MYO1E: variants seen among roughly 807,000 people sequenced by gnomAD.
MYO1E encodes myosin IE.
In MYO1E, 68 loss-of-function variants were observed where a neutral mutation model predicts 151.1. The observed-to-expected ratio is 0.45, with a 90% CI of 0.37 to 0.55. MYO1E has a LOEUF of 0.55. Ranked by LOEUF, MYO1E falls within the 20% of genes least tolerant of loss-of-function variation. The pLI is 0.00. For missense variants in MYO1E, 1,363 were observed against 1,389.3 expected (o/e 0.98, Z 0.30); for synonymous variants, 601 against 501.7 (o/e 1.20, Z -2.64).
At chr15:59,290,615 G>C (rs1282179588) in intron 1 of MYO1E, among the ~76,000 whole-genome samples, 4 of 152,214 alleles carry the variant, frequency 2.6e-5, no homozygotes, top group African/African-American at 9.6e-5. Flanking sequence ...GTAATAGACT[G>C]TGACTTTCTT....
rs1420325351 is a variant in MYO1E at position 59,350,224 on chromosome 15, T to C, written c.3+22274A>G. On this transcript the variant is annotated intron_variant, in intron 1 of 27. Transcript: ENST00000288235. The surrounding 1 kb of genome is among the most constrained non-coding windows in gnomAD (Gnocchi z 5.0). ...AAACAATGTGGGGAGGAGGGCCTCC[T>C]TCCCTGATCACCAGGCAGGCTCCTG... Among the ~76,000 whole-genome samples the C allele has an allele frequency of 6.6e-6, 1 of 152,244 alleles. No individual in the cohort carries two copies. The highest frequency in any genetic ancestry group is 1.5e-5 in the Non-Finnish European group (1 of 68,046).
At chr15:59,284,076 G>A (rs757738651) in intron 1 of MYO1E, among the ~76,000 whole-genome samples, 12 of 152,240 alleles carry the variant, frequency 7.9e-5, no homozygotes, top group East Asian at 1.9e-4. Context: ...AGGAAGTTCC[G>A]TGCCCTGGAG....
chr15:59,370,454 C>G (rs1377573418), intron 1 of MYO1E, among the ~76,000 whole-genome samples: 1 of 152,246 alleles, frequency 6.6e-6, no homozygotes, highest in Non-Finnish European at 1.5e-5. Flanking sequence ...TGTTTCAGGA[C>G]AGCCAGCTGT....
intron 1 of MYO1E, among the ~76,000 whole-genome samples, chr15:59,303,901 C>A (rs1288867177): frequency 6.6e-6 from 1 of 151,954 alleles, no homozygotes; most frequent in Non-Finnish European, 1.5e-5. Flanking sequence ...TGGCCTTTCA[C>A]AGTTAAGAGT....
At chr15:59,147,429 G>A (rs780542706) in intron 26 of MYO1E, among the ~76,000 whole-genome samples, 5 of 151,722 alleles carry the variant, frequency 3.3e-5, no homozygotes, top group Non-Finnish European at 5.9e-5. Flanking sequence ...GCGAAACCCC[G>A]TCCCTACTAA....
At position 59,133,549 on chromosome 15, in the gene MYO1E, G is replaced by A. The variant is rs2079355993; in HGVS notation, c.*3831C>T. ...AAAAGACATCAAGATTAGTGGGTAG[G>A]AATAAAACCAAGTTACTAAATCCAG... On this transcript the variant is annotated 3_prime_UTR_variant, in exon 28 of 28. Coordinates refer to ENST00000288235, the MANE Select transcript of MYO1E (RefSeq NM_004998.4). 1 of 152,024 alleles carries A rather than the reference G, an allele frequency of 6.6e-6. No individual in the cohort carries two copies. 9.4% of individuals were successfully genotyped at this position (152,024 alleles called of 1,614,324 possible). A position where few individuals can be genotyped will look rare whatever the true frequency, so the allele number is the denominator to read the frequency against.
intron 22 of MYO1E, among the ~76,000 whole-genome samples, chr15:59,168,372 C>T (rs190788009): frequency 2.0e-5 from 3 of 151,770 alleles, no homozygotes; most frequent in Non-Finnish European, 2.9e-5. Flanking sequence ...ATGGGGAAAC[C>T]GTGTCTCTAC....
intron 4 of MYO1E, among the ~76,000 whole-genome samples, chr15:59,244,504 T>C (rs999003286): frequency 6.6e-6 from 1 of 152,212 alleles, no homozygotes; most frequent in Admixed American, 6.5e-5. Flanking sequence ...GTCACACGCC[T>C]TAGACAGAGA....
At chr15:59,189,675 A>G (rs1304972686) in intron 17 of MYO1E, among the ~76,000 whole-genome samples, 2 of 152,124 alleles carry the variant, frequency 1.3e-5, no homozygotes, top group Non-Finnish European at 2.9e-5. Context: ...TGTGGGTTCA[A>G]GAGATTCTCC....
At position 59,220,159 on chromosome 15, in the gene MYO1E, G is replaced by C. The variant is rs1158779606; in HGVS notation, c.911-2072C>G. ...TCTAAGGTCAGGTAAAAAAAACAAA[G>C]CTTGTTTGGCCAGGTGTGGTGGCTC... On this transcript the variant is annotated intron_variant, in intron 9 of 27. Coordinates refer to ENST00000288235, the MANE Select transcript of MYO1E (RefSeq NM_004998.4). Among the ~76,000 whole-genome samples, 3 of 152,298 alleles carry C rather than the reference G, an allele frequency of 2.0e-5. No individual in the cohort carries two copies. In the East Asian group the frequency reaches 5.8e-4, roughly 29 times the overall value.
chr15:59,201,195 T>C (rs1414698896), intron 16 of MYO1E, among the ~76,000 whole-genome samples: 1 of 151,602 alleles, frequency 6.6e-6, no homozygotes, highest in African/African-American at 2.4e-5. Flanking sequence ...CTTCCTTGAC[T>C]AAAGCGATCC....
chr15:59,248,984 T>C (rs1468401444), intron 4 of MYO1E, among the ~76,000 whole-genome samples: 1 of 152,164 alleles, frequency 6.6e-6, no homozygotes, highest in African/African-American at 2.4e-5. Context: ...CACACTTCCT[T>C]GTGAGTTTGC....
At chr15:59,241,295 G>A (rs114241063) in intron 4 of MYO1E, among the ~76,000 whole-genome samples, 5 of 152,134 alleles carry the variant, frequency 3.3e-5, no homozygotes, top group Non-Finnish European at 7.3e-5. Flanking sequence ...GGGAGTTGGA[G>A]AACCAGCCTT....
At chr15:59,256,107 T>C (rs1293683032) in intron 4 of MYO1E, among the ~76,000 whole-genome samples, 177 bp downstream of exon 4, 2 of 152,240 alleles carry the variant, frequency 1.3e-5, no homozygotes, top group African/African-American at 4.8e-5. Context: ...TATGGAGCTC[T>C]ATTATATAGA....
intron 21 of MYO1E, among the ~76,000 whole-genome samples, chr15:59,172,888 A>T (rs2140316723): frequency 6.6e-6 from 1 of 152,380 alleles, no homozygotes. Context: ...CTGCCGTCAC[A>T]GCAGCTGGTG....
At chr15:59,283,939 C>CTTGTATTAT (rs1209227706) in intron 1 of MYO1E, among the ~76,000 whole-genome samples, 6 of 152,226 alleles carry the variant, frequency 3.9e-5, no homozygotes, top group African/African-American at 1.4e-4. Flanking sequence ...CCACCAAGTA[C>CTTGTATTAT]TTGTATTATC....
intron 3 of MYO1E, among the ~76,000 whole-genome samples, chr15:59,260,816 T>C (rs191428220): frequency 5.3e-5 from 8 of 152,326 alleles, no homozygotes; most frequent in Admixed American, 3.9e-4. Flanking sequence ...TTGTGGCATA[T>C]ATGGAAGCAG....
intron 26 of MYO1E, among the ~76,000 whole-genome samples, chr15:59,146,734 TTA>T (rs2140302733): frequency 6.7e-6 from 1 of 148,814 alleles, no homozygotes; most frequent in African/African-American, 2.4e-5. Context: ...TATATATTAT[TTA>T]TATATGTAAT....
chr15:59,315,286 T>C (rs542384100), intron 1 of MYO1E, among the ~76,000 whole-genome samples: 1 of 152,264 alleles, frequency 6.6e-6, no homozygotes, highest in Admixed American at 6.5e-5. Context: ...TACCTGTTTC[T>C]CTCCCACTCA....
Sources: gnomAD v4.1 joint callset for allele counts (sites outside exome capture counted in the v4.1 genomes callset) on GRCh38, gnomAD v4.1.1 for gene constraint, Gnocchi (gnomAD v3.1) non-coding constraint, MANE v1.5 for transcripts, NCBI Gene and HGNC (gene_info 2026-07-23, HGNC 2026-07-21) for gene names.